VPS9D1: variants seen among roughly 807,000 people sequenced by gnomAD.
VPS9D1 encodes VPS9 domain-containing protein 1.
Under a neutral mutation model 75.8 loss-of-function variants are expected in VPS9D1, and 78 were observed. The ratio of observed to expected loss-of-function variants is 1.03; its 90% CI spans 0.86 to 1.24. The LOEUF (loss-of-function observed/expected upper bound fraction) is 1.24. Ranked by LOEUF, VPS9D1 falls within the 50% of genes most tolerant of loss-of-function variation. VPS9D1 has a pLI of 0.00. For synonymous variants in VPS9D1, 481 were observed against 385.6 expected (o/e 1.25, Z -2.90); for missense variants, 1,057 against 847.7 (o/e 1.25, Z -3.07).
intron 8 of VPS9D1, 94 bp downstream of exon 8, chr16:89,711,788 G>C: frequency 7.2e-7 from 1 of 1,393,126 alleles, no homozygotes. Context: ...CACAGCCTCT[G>C]GCTCCGCCCC....
chr16:89,707,657 G>A lies in VPS9D1; in HGVS notation c.*204C>T. The stretch of plus-strand genomic sequence containing the variant: ...TCAGCCCCATTCTGTCGGGGCAGAG[G>A]TGCCAACCCCAAGCTCCAGGGTCAG... On this transcript the variant is annotated 3_prime_UTR_variant, in exon 15 of 15. Coordinates refer to ENST00000389386, the MANE Select transcript of VPS9D1 (RefSeq NM_004913.3). 1.8e-6 allele frequency: 1 copy of A among 566,278 alleles called. No individual in the cohort carries two copies. Among genetic ancestry groups the A allele is most frequent in the South Asian group, 2.2e-5 (1 of 46,138 alleles). 35.1% of individuals were successfully genotyped at this position (566,278 alleles called of 1,614,324 possible).
intron 2 of VPS9D1, chr16:89,717,425 A>C: frequency 2.5e-6 from 1 of 393,220 alleles, no homozygotes; most frequent in Non-Finnish European, 5.2e-6. Flanking sequence ...CTGTGTCCCC[A>C]AAGTCCTGCC....
At chr16:89,708,081 C>G in intron 14 of VPS9D1, 127 bp from the exon 15 acceptor site, 2 of 903,498 alleles carry the variant, frequency 2.2e-6, no homozygotes, top group Non-Finnish European at 3.5e-6. Flanking sequence ...GTGGGGCTGT[C>G]AGGGCGGCTG....
At chr16:89,719,471 T>C (rs2061183105) in intron 1 of VPS9D1, 1 of 414,898 alleles carries the variant, frequency 2.4e-6, no homozygotes. Context: ...TTTCATTCTA[T>C]GCAATGTTTC....
chr16:89,707,934 C>T lies in VPS9D1; in HGVS notation c.1823G>A (p.Gly608Asp). Reference protein sequence around the residue: ...IHEGYLIGEEGYCLTSLQSAL... With the variant: ...IHEGYLIGEEDYCLTSLQSAL... ...ACTCTGCAGTGATGTGAGGCAGTAG[C>T]CCTCCTCTCCGATCAGGTACCTGCA... The change falls in exon 15 of 15, where the codon GGC becomes GAC. Residue 608 changes from glycine to aspartate, a missense_variant. Transcript: ENST00000389386. 1 of 1,613,012 alleles carries T rather than the reference C, an allele frequency of 6.2e-7. No homozygotes were observed. Among genetic ancestry groups the T allele is most frequent in the East Asian group, 2.2e-5 (1 of 44,884 alleles).
chr16:89,712,362 CG>C, intron 6 of VPS9D1, 97 bp downstream of exon 6: 4 of 1,554,480 alleles, frequency 2.6e-6, no homozygotes, highest in Non-Finnish European at 3.5e-6. Flanking sequence ...ACCCCGACCC[CG>C]GAACCTCCGC....
At chr16:89,717,133 C>T (rs1355393545) in intron 2 of VPS9D1, among the ~76,000 whole-genome samples, 1 of 140,766 alleles carries the variant, frequency 7.1e-6, no homozygotes, top group Non-Finnish European at 1.6e-5. Flanking sequence ...CCACTGACCC[C>T]GGGCAAGCCG....
At chr16:89,711,173 G>T (rs1360809362) in intron 9 of VPS9D1, among the ~76,000 whole-genome samples, 154 bp downstream of exon 9, 1 of 151,518 alleles carries the variant, frequency 6.6e-6, no homozygotes, top group Non-Finnish European at 1.5e-5. Flanking sequence ...TGGAGAAGCC[G>T]AGGAAACGCC....
chr16:89,716,462 T>C lies in VPS9D1; in HGVS notation c.431A>G (p.Lys144Arg). The change falls in exon 4 of 15, where the codon AAA (lysine) becomes AGA (arginine). Residue 144 changes from lysine to arginine, a missense_variant and splice_region_variant. Physicochemically the swap from Lys to Arg is conservative, Grantham distance 26. Coordinates refer to ENST00000389386, the MANE Select transcript of VPS9D1 (RefSeq NM_004913.3). ...CCACCTCCCATCTTGTCCATCTTAC[T>C]TCTTACAGCTTTGTGACTCTGCCCC... The part of the protein sequence containing the change: ...LQGAESQSCK[K>R]ELTPLEEASL... The C allele has an allele frequency of 6.2e-7, 1 of 1,613,912 alleles. No individual in the cohort carries two copies. Among genetic ancestry groups the C allele is most frequent in the Non-Finnish European group, 8.5e-7 (1 of 1,179,954 alleles).
rs528872850 is a variant in VPS9D1, at chr16:89,711,983, C to A, written c.660-14G>T. On this transcript the variant is annotated splice_polypyrimidine_tract_variant and intron_variant, in intron 7 of 14. Coordinates refer to ENST00000389386, the MANE Select transcript of VPS9D1 (RefSeq NM_004913.3). ...CTGCAAAACCTCCTGGGGAGAAAGG[C>A]ACGCGGTGGGTGCCGGGGCCAGGCC... is the stretch of plus-strand genomic sequence containing the variant. 6.4e-7 allele frequency: 1 copy of A among 1,550,428 alleles called. No individual in the cohort carries two copies. The highest frequency in any genetic ancestry group is 8.7e-7 in the Non-Finnish European group (1 of 1,146,696).
At chr16:89,711,993 G>A in intron 7 of VPS9D1, 24 bp from the exon 8 acceptor site, 1 of 1,549,976 alleles carries the variant, frequency 6.5e-7, no homozygotes, top group Admixed American at 2.0e-5. Flanking sequence ...CACGCGGTGG[G>A]TGCCGGGGCC....
At chr16:89,719,408 G>A (rs1480245661) in intron 1 of VPS9D1, 2 of 518,070 alleles carry the variant, frequency 3.9e-6, no homozygotes, top group African/African-American at 3.8e-5. Context: ...CACAGGAACT[G>A]ATATTCTCAT....
rs552594230 is a variant in VPS9D1, at chr16:89,711,741, T to G, written c.747+141A>C. 12 of 907,502 alleles carry G rather than the reference T, an allele frequency of 1.3e-5. No homozygotes were observed. In the East Asian group the frequency reaches 3.0e-4, roughly 22 times the overall value. The allele number at this position is 907,502 out of a possible 1,614,324, so 56.2% of individuals were successfully genotyped here. On this transcript the variant is annotated intron_variant, in intron 8 of 14. Coordinates refer to ENST00000389386, the MANE Select transcript of VPS9D1 (RefSeq NM_004913.3). ...CTGGCCCCGCCCCCTCACCGGGCCC[T>G]CCCACGGGCCTCTGGCCCCGCCCCC...
intron 2 of VPS9D1, among the ~76,000 whole-genome samples, chr16:89,718,725 T>C (rs78766754): frequency 6.6e-6 from 1 of 151,802 alleles, no homozygotes; most frequent in African/African-American, 2.4e-5. Flanking sequence ...TTTTCTTTTT[T>C]TTTTTTTTGA....
intron 6 of VPS9D1, 169 bp from the exon 7 acceptor site, chr16:89,712,268 G>A (rs986218475): frequency 1.7e-5 from 23 of 1,321,884 alleles, no homozygotes; most frequent in Admixed American, 9.3e-5. Context: ...AGCCAGGAGG[G>A]CCGGGCCAGA....
rs566815755 is a variant in VPS9D1 at position 89,715,491 on chromosome 16, G to A, written c.431+971C>T. Among the ~76,000 whole-genome samples, 756 of 151,756 alleles carry A rather than the reference G, an allele frequency of 5.0e-3. 3 individuals are homozygous for A. The highest frequency in any genetic ancestry group is 8.3e-3 in the Non-Finnish European group (567 of 67,952). ...TCCACCCACCTCGGCCTCCCAAAGTGCTGGGATTACAGGCGTGAGCCACCG... is the reference window on the plus strand; with the variant it reads ...TCCACCCACCTCGGCCTCCCAAAGTACTGGGATTACAGGCGTGAGCCACCG... On this transcript the variant is annotated intron_variant, in intron 4 of 14. Transcript: ENST00000389386.
chr16:89,707,268 T>C lies in VPS9D1; in HGVS notation c.*593A>G, dbSNP rs891107. ...GTTCACAGCCCACAGCCAAGGTGAG[T>C]AAGGGGCAGGGAATGTCCTGGGCTC... On this transcript the variant is annotated 3_prime_UTR_variant, in exon 15 of 15. Transcript: ENST00000389386. The C allele has an allele frequency of 0.99, 150,802 of 152,754 alleles. 74,466 individuals are homozygous for C. The highest frequency in any genetic ancestry group is 1 in the East Asian group (5,184 of 5,184). The allele number at this position is 152,754 out of a possible 1,614,324, so 9.5% of individuals were successfully genotyped here. A position where few individuals can be genotyped will look rare whatever the true frequency, so the allele number is the denominator to read the frequency against.
At position 89,719,035 on chromosome 16, in the gene VPS9D1, G is replaced by C; in HGVS notation, c.167C>G (p.Thr56Ser). The C allele has an allele frequency of 6.2e-7, 1 of 1,613,294 alleles. No homozygotes were observed. The highest frequency in any genetic ancestry group is 2.2e-5 in the East Asian group (1 of 44,882). Residue 56 changes from threonine (T) to serine (S), a missense_variant, in exon 2 of 15, where the codon ACC becomes AGC. By Grantham distance (58) the Thr-to-Ser change is moderately conservative. Transcript: ENST00000389386. Reference protein sequence around the residue: ...ISQVLLEEVETTKEAGETVPP... With the variant: ...ISQVLLEEVESTKEAGETVPP... ...GGCTGGCTGAGCCGTACCTTTAGTG[G>C]TTTCCACTTCTTCTAGTAACACCTG...
At chr16:89,716,330 C>T (rs1040819566) in intron 4 of VPS9D1, 132 bp downstream of exon 4, 2 of 1,348,554 alleles carry the variant, frequency 1.5e-6, no homozygotes, top group Non-Finnish European at 2.0e-6. Flanking sequence ...TGAGCCGCTG[C>T]ACTCCAGCCT....
Sources: allele counts gnomAD v4.1 joint callset (sites outside exome capture counted in the v4.1 genomes callset), GRCh38; gene constraint gnomAD v4.1.1; transcripts MANE v1.5; gene names NCBI Gene and HGNC (gene_info 2026-07-23, HGNC 2026-07-21).